The following NCOA2 variants were observed in gnomAD, a reference collection of about 807,000 sequenced individuals.
The protein encoded by NCOA2 is class E basic helix-loop-helix protein 75.
A neutral mutation model predicts 145.1 loss-of-function variants in NCOA2; 21 were observed. The observed-to-expected ratio is 0.14, with a 90% CI of 0.10 to 0.21. NCOA2 has a LOEUF of 0.21. Among genes scored for constraint, NCOA2 ranks in the 10% least tolerant of loss-of-function variants. The pLI, the probability that NCOA2 is intolerant of heterozygous loss-of-function variation, is 1.00. For synonymous variants in NCOA2, 619 were observed against 637.5 expected (o/e 0.97, Z 0.44); for missense variants, 1,472 against 1,837.6 (o/e 0.80, Z 3.64).
chr8:70,280,931 C>T (rs1377920961), intron 2 of NCOA2, among the ~76,000 whole-genome samples: 2 of 151,694 alleles, frequency 1.3e-5, no homozygotes, highest in Admixed American at 6.6e-5. Flanking sequence ...CTGTGGAGAG[C>T]ATGTCACACG....
chr8:70,279,588 G>C (rs1825725275), intron 2 of NCOA2, among the ~76,000 whole-genome samples: 2 of 152,204 alleles, frequency 1.3e-5, no homozygotes, highest in African/African-American at 4.8e-5. Context: ...TTCATGATGA[G>C]ACTAATATCC....
intron 1 of NCOA2, among the ~76,000 whole-genome samples, chr8:70,394,925 G>A (rs60671860): frequency 0.011 from 1,741 of 152,288 alleles, 13 homozygotes; most frequent in Middle Eastern, 0.024. Context: ...TGGGTTAAGC[G>A]ATCTTAACAC....
chr8:70,408,439 T>C (rs1293339226), upstream of NCOA2, among the ~76,000 whole-genome samples: 1 of 152,130 alleles, frequency 6.6e-6, no homozygotes, highest in Non-Finnish European at 1.5e-5. Flanking sequence ...ATAAATTTAA[T>C]GAAAGATGTC....
intron 15 of NCOA2, among the ~76,000 whole-genome samples, chr8:70,133,444 C>T (rs569569864): frequency 2.0e-5 from 3 of 151,958 alleles, no homozygotes; most frequent in East Asian, 1.9e-4. Flanking sequence ...AGGCTGGTCT[C>T]GAACTCCTGG....
chr8:70,177,329 CAA>C (rs1814982037), intron 4 of NCOA2, among the ~76,000 whole-genome samples: 1 of 152,136 alleles, frequency 6.6e-6, no homozygotes, highest in Non-Finnish European at 1.5e-5. Context: ...ACACAGTCCA[CAA>C]AAGAGTAGGC....
Position 70,170,234 on chromosome 8 carries a change from T to A in NCOA2, c.509A>T (p.Glu170Val), listed in dbSNP as rs1480310821. ...YSILHVGDHT[E>V]FVKNLLPKSI... Reference sequence around the variant, plus strand: ...CTTTGGCAGCAGGTTTTTGACAAATTCCGTGTGGTCCCCAACATGCAAGAT... The same window carrying A: ...CTTTGGCAGCAGGTTTTTGACAAATACCGTGTGGTCCCCAACATGCAAGAT... Residue 170 changes from glutamate to valine, a missense_variant, in exon 6 of 23, where the codon GAA becomes GTA. Glu to Val is a moderately radical substitution (Grantham distance 121). Coordinates refer to ENST00000452400, the MANE Select transcript of NCOA2 (RefSeq NM_006540.4). 1 of 1,613,496 alleles carries A rather than the reference T, an allele frequency of 6.2e-7. No homozygotes were observed. The highest frequency in any genetic ancestry group is 1.3e-5 in the African/African-American group (1 of 75,014).
chr8:70,404,981 G>A (rs117301484), upstream of NCOA2, among the ~76,000 whole-genome samples: 2,786 of 152,298 alleles, frequency 0.018, 40 homozygotes, highest in Middle Eastern at 0.058. Context: ...TAGACAATAA[G>A]AGTGTTTATT....
At chr8:70,418,434 C>T in the NCOA2 span, among the ~76,000 whole-genome samples, 2 of 152,240 alleles carry the variant, frequency 1.3e-5, no homozygotes, top group East Asian at 1.9e-4. Context: ...TAGGAGGTCC[C>T]GTTCTGTGGA....
At chr8:70,169,755 C>T (rs1026072199) in intron 6 of NCOA2, among the ~76,000 whole-genome samples, 8 of 151,878 alleles carry the variant, frequency 5.3e-5, no homozygotes, top group Non-Finnish European at 1.0e-4. Context: ...TATGTATGCA[C>T]AAAAATAAAA....
chr8:70,351,021 TGA>T (rs1809134742), intron 1 of NCOA2, among the ~76,000 whole-genome samples: 2 of 152,120 alleles, frequency 1.3e-5, no homozygotes, highest in Admixed American at 1.3e-4. Flanking sequence ...CAAGAGAGCA[TGA>T]GAGAGCAAGA....
At chr8:70,408,826 C>T in the NCOA2 span, among the ~76,000 whole-genome samples, 2 of 148,972 alleles carry the variant, frequency 1.3e-5, no homozygotes, top group Non-Finnish European at 3.0e-5. Flanking sequence ...GGGGTTTCAC[C>T]GTCTTACCCA....
the NCOA2 span, among the ~76,000 whole-genome samples, chr8:70,414,647 CA>C: frequency 6.6e-6 from 1 of 152,134 alleles, no homozygotes; most frequent in African/African-American, 2.4e-5. Flanking sequence ...ATTGATGTCA[CA>C]GGTTTTAGGA....
chr8:70,402,852 C>T (rs1362722998), intron 1 of NCOA2, among the ~76,000 whole-genome samples: 1 of 147,768 alleles, frequency 6.8e-6, no homozygotes, highest in Non-Finnish European at 1.5e-5. Flanking sequence ...GCGAGCCCGG[C>T]TCGGCGCCGC....
At chr8:70,452,278 T>C in the NCOA2 span, among the ~76,000 whole-genome samples, 1 of 152,160 alleles carries the variant, frequency 6.6e-6, no homozygotes, top group South Asian at 2.1e-4. Context: ...CCTGGACTGT[T>C]AAATAATTGT....
At chr8:70,375,244 G>A (rs1811570028) in intron 1 of NCOA2, among the ~76,000 whole-genome samples, 1 of 152,106 alleles carries the variant, frequency 6.6e-6, no homozygotes, top group Non-Finnish European at 1.5e-5. Flanking sequence ...GTGCATATGC[G>A]TGTTTGTGTG....
Position 70,159,242 on chromosome 8 carries a change from A to ATAT in NCOA2, c.1124+262_1124+263insATA. Among the ~76,000 whole-genome samples, 12 of 61,078 alleles carry ATAT rather than the reference A, an allele frequency of 2.0e-4. No homozygotes were observed. The East Asian group carries it at 2.6e-3, about 13-fold the overall frequency. 40.1% of individuals were successfully genotyped at this position (61,078 alleles called of 152,430 possible). On this transcript the variant is annotated intron_variant, in intron 10 of 22. Transcript: ENST00000452400. ...TAACATTATATATATATATATATAT[A>ATAT]TTTTTTTTTTTTTCCCCCAAATATT...
rs373052246 is a variant in NCOA2, at chr8:70,128,753, G to A, written c.3552C>T (p.Asn1184=). ...PGLRPTGLVQ[N]QPNQLRLQLQ... is the part of the protein sequence containing the mutation. ...GTTGAAGTCTTAGTTGATTTGGCTG[G>A]TTCTGCACTAGGCCCGTGGGCCTGA... The change falls in exon 17 of 23, where the codon AAC becomes AAT. Residue 1184 remains asparagine, a synonymous_variant. Transcript: ENST00000452400. 2.2e-5 allele frequency: 35 copies of A among 1,613,912 alleles called. No individual in the cohort carries two copies. The highest frequency in any genetic ancestry group is 2.5e-5 in the Non-Finnish European group (30 of 1,179,912).
At chr8:70,260,154 T>TA (rs1454446455) in intron 2 of NCOA2, among the ~76,000 whole-genome samples, 2 of 152,156 alleles carry the variant, frequency 1.3e-5, no homozygotes, top group African/African-American at 4.8e-5. Flanking sequence ...AATATATGCT[T>TA]AGACAATGGA....
chr8:70,330,054 CT>C (rs1806949414), intron 1 of NCOA2, among the ~76,000 whole-genome samples: 1 of 152,170 alleles, frequency 6.6e-6, no homozygotes, highest in Non-Finnish European at 1.5e-5. Flanking sequence ...AAAAACTCAT[CT>C]GAGTCATATT....
Sources: allele counts gnomAD v4.1 joint callset (sites outside exome capture counted in the v4.1 genomes callset), GRCh38; gene constraint gnomAD v4.1.1; transcripts MANE v1.5; gene names NCBI Gene and HGNC (gene_info 2026-07-23, HGNC 2026-07-21).